UBE2Q2: variants seen among roughly 807,000 people sequenced by gnomAD.
The protein encoded by UBE2Q2 is ubiquitin conjugating enzyme E2 Q2.
Under a neutral mutation model 59.9 loss-of-function variants are expected in UBE2Q2, and 54 were observed. That is an observed-to-expected ratio of 0.90 (90% confidence interval 0.72 to 1.13). UBE2Q2 has a LOEUF of 1.13. Among genes scored for constraint, UBE2Q2 ranks in the 50% most tolerant of loss-of-function variants. The pLI is 0.00. For synonymous variants in UBE2Q2, 165 were observed against 155.2 expected (o/e 1.06, Z -0.47); for missense variants, 433 against 441.9 (o/e 0.98, Z 0.18).
chr15:75,849,283 T>C (rs1232386470), intron 1 of UBE2Q2, among the ~76,000 whole-genome samples: 1 of 152,214 alleles, frequency 6.6e-6, no homozygotes, highest in Non-Finnish European at 1.5e-5. Context: ...ATGAAAGTAA[T>C]GTGTCCCATA....
chr15:75,897,037 A>G lies in UBE2Q2; in HGVS notation c.1072A>G (p.Ile358Val), dbSNP rs199697694. Reference sequence around the variant, plus strand: ...AAGAGCCCAACAATCCTATAATTCCATTGTACAGATACATGAGAAAAATGG... The same window carrying G: ...AAGAGCCCAACAATCCTATAATTCCGTTGTACAGATACATGAGAAAAATGG... Reference protein sequence around the residue: ...LARAQQSYNSIVQIHEKNGWY... With the variant: ...LARAQQSYNSVVQIHEKNGWY... The change falls in exon 12 of 13, where the codon ATT becomes GTT. Residue 358 changes from isoleucine to valine, a missense_variant. Ile to Val is a conservative substitution (Grantham distance 29, BLOSUM62 3). Transcript: ENST00000267938. 1.9e-6 allele frequency: 3 copies of G among 1,573,216 alleles called. No homozygotes were observed. Among genetic ancestry groups the G allele is most frequent in the African/African-American group, 1.4e-5 (1 of 73,544 alleles).
intron 2 of UBE2Q2, among the ~76,000 whole-genome samples, chr15:75,855,835 G>T (rs535337262): frequency 6.6e-6 from 1 of 152,266 alleles, no homozygotes; most frequent in Admixed American, 6.5e-5. Context: ...CTGTGTTCCT[G>T]GATGAGCAGA....
At chr15:75,890,412 A>T in intron 9 of UBE2Q2, 23 bp from the exon 10 acceptor site, 1 of 1,578,298 alleles carries the variant, frequency 6.3e-7, no homozygotes, top group South Asian at 1.2e-5. Flanking sequence ...AGAATTTTGT[A>T]TGACTCCTTT....
chr15:75,880,911 G>C (rs572288303), intron 8 of UBE2Q2, among the ~76,000 whole-genome samples: 3 of 152,186 alleles, frequency 2.0e-5, no homozygotes, highest in African/African-American at 7.2e-5. Flanking sequence ...TTCTTACGTA[G>C]CTTTTTTATG....
At chr15:75,889,893 T>C (rs1243704664) in intron 9 of UBE2Q2, among the ~76,000 whole-genome samples, 3 of 152,228 alleles carry the variant, frequency 2.0e-5, no homozygotes, top group Non-Finnish European at 4.4e-5. Flanking sequence ...GAGAATAGTC[T>C]TCAGGCCTAG....
At chr15:75,883,606 A>AT (rs112928171) in intron 9 of UBE2Q2, among the ~76,000 whole-genome samples, 182 bp downstream of exon 9, 2,212 of 143,850 alleles carry the variant, frequency 0.015, 41 homozygotes, top group African/African-American at 0.051. Flanking sequence ...CCTGGCCTGC[A>AT]TTTTTTTTTT....
At chr15:75,897,639 A>ATTTTTTTTTTTTTTTTT in intron 12 of UBE2Q2, among the ~76,000 whole-genome samples, 1 of 148,514 alleles carries the variant, frequency 6.7e-6, no homozygotes, top group African/African-American at 2.5e-5. Flanking sequence ...GACTCACTTT[A>ATTTTTTTTTTTTTTTTT]CTTACTTGAA....
chr15:75,898,075 T>C lies in UBE2Q2; in HGVS notation c.1096+1014T>C, dbSNP rs990881921. Among the ~76,000 whole-genome samples the C allele has an allele frequency of 2.6e-5, 4 of 152,298 alleles. No individual in the cohort carries two copies. In the South Asian group the frequency reaches 8.3e-4, roughly 32 times the overall value. ...ATTAGATCCAAAGAAACCTGTGTACTACTTTGATACTTTATAGATCTTGGC... is the reference window on the plus strand; with the variant it reads ...ATTAGATCCAAAGAAACCTGTGTACCACTTTGATACTTTATAGATCTTGGC... On this transcript the variant is annotated intron_variant, in intron 12 of 12. Transcript: ENST00000267938.
intron 7 of UBE2Q2, among the ~76,000 whole-genome samples, chr15:75,878,695 T>C (rs1421276111): frequency 6.6e-6 from 1 of 152,000 alleles, no homozygotes; most frequent in African/African-American, 2.4e-5. Flanking sequence ...TACAGGTTTT[T>C]TTAGTGATTT....
chr15:75,879,036 T>C, intron 7 of UBE2Q2, 62 bp from the exon 8 acceptor site: 1 of 1,284,670 alleles, frequency 7.8e-7, no homozygotes, highest in South Asian at 1.5e-5. Context: ...ATTTTTGAGT[T>C]TAGTTAAAAA....
chr15:75,844,036 C>T (rs1896174870), intron 1 of UBE2Q2, 190 bp downstream of exon 1: 1 of 1,406,464 alleles, frequency 7.1e-7, no homozygotes, highest in Non-Finnish European at 9.2e-7. Flanking sequence ...TGGGAGGAGG[C>T]GGAGGGCGCG....
intron 3 of UBE2Q2, among the ~76,000 whole-genome samples, chr15:75,865,719 TG>T (rs1216031593): frequency 6.6e-6 from 1 of 152,232 alleles, no homozygotes; most frequent in Non-Finnish European, 1.5e-5. Flanking sequence ...TTGGTGTTAC[TG>T]CTGTCTTTGC....
At chr15:75,872,308 A>C (rs954354035) in intron 4 of UBE2Q2, among the ~76,000 whole-genome samples, 1 of 147,182 alleles carries the variant, frequency 6.8e-6, no homozygotes, top group African/African-American at 2.4e-5. Context: ...GAAATCAGTG[A>C]ATTAGCCTGC....
chr15:75,876,065 C>CAAAAAAA, intron 5 of UBE2Q2, 122 bp from the exon 6 acceptor site: 8 of 534,978 alleles, frequency 1.5e-5, no homozygotes, highest in Admixed American at 3.8e-5. Context: ...ACTCCATCTC[C>CAAAAAAA]AAAAAAAAAA....
At chr15:75,844,088 GC>G (rs1567010238) in intron 1 of UBE2Q2, 2 of 1,416,564 alleles carry the variant, frequency 1.4e-6, no homozygotes, top group Admixed American at 6.0e-5. Context: ...GGGGCTTCTG[GC>G]CCATCTCGGT....
chr15:75,873,645 A>T, intron 5 of UBE2Q2, 77 bp downstream of exon 5: 1 of 1,478,158 alleles, frequency 6.8e-7, no homozygotes. Context: ...ATTCATTAAC[A>T]TGCCCATCTC....
chr15:75,866,469 G>C (rs184272985), intron 3 of UBE2Q2, among the ~76,000 whole-genome samples: 8 of 152,060 alleles, frequency 5.3e-5, no homozygotes, highest in Admixed American at 5.2e-4. Context: ...CACCGTGTCC[G>C]GCCTTCAGTA....
At chr15:75,854,046 T>G (rs1896775652) in intron 1 of UBE2Q2, among the ~76,000 whole-genome samples, 1 of 152,218 alleles carries the variant, frequency 6.6e-6, no homozygotes, top group Non-Finnish European at 1.5e-5. Context: ...TTACTTTTGC[T>G]GTATTCTCTT....
chr15:75,856,321 T>TTTA (rs1896916174), intron 2 of UBE2Q2, among the ~76,000 whole-genome samples: 1 of 150,268 alleles, frequency 6.7e-6, no homozygotes, highest in African/African-American at 2.5e-5. Context: ...TCCCAGCAGA[T>TTTA]TTATTTTTGG....
Sources: gnomAD v4.1 joint callset for allele counts (sites outside exome capture counted in the v4.1 genomes callset) on GRCh38, gnomAD v4.1.1 for gene constraint, MANE v1.5 for transcripts, NCBI Gene and HGNC (gene_info 2026-07-23, HGNC 2026-07-21) for gene names.